Variants in TAFA4 observed in about 807,000 individuals in gnomAD.
TAFA4 encodes TAFA chemokine like family member 4.
In TAFA4, 20 loss-of-function variants were observed where a neutral mutation model predicts 21.1. The ratio of observed to expected loss-of-function variants is 0.95; its 90% CI spans 0.67 to 1.38. TAFA4 has a LOEUF of 1.38. Among genes scored for constraint, TAFA4 ranks in the 40% most tolerant of loss-of-function variants. The probability of loss-of-function intolerance (pLI) is 0.00; values close to 1 mark genes in which losing one functional copy is unlikely to be tolerated. For missense variants in TAFA4, 211 were observed against 180.9 expected, an observed-to-expected ratio of 1.17 and a Z score of -0.95; for synonymous variants, 71 against 67.4, an observed-to-expected ratio of 1.05 and a Z score of -0.26.
At chr3:68,911,324 G>A (rs2089959915) in intron 1 of TAFA4, among the ~76,000 whole-genome samples, 1 of 152,204 alleles carries the variant, frequency 6.6e-6, no homozygotes, top group Middle Eastern at 3.2e-3. Flanking sequence ...ACAGAAAGGT[G>A]CTGTCCAATT....
intron 3 of TAFA4, among the ~76,000 whole-genome samples, chr3:68,769,168 A>C (rs4093385): frequency 2.0e-5 from 3 of 151,832 alleles, no homozygotes; most frequent in Admixed American, 6.6e-5. Context: ...CTGCCTGAGC[A>C]CTGCCTCCTG....
At chr3:68,834,047 T>A (rs940602006) in intron 3 of TAFA4, among the ~76,000 whole-genome samples, 16 of 152,156 alleles carry the variant, frequency 1.1e-4, no homozygotes, top group Non-Finnish European at 2.1e-4. Context: ...CACCCTGACT[T>A]CTCTCCCCAA....
At chr3:68,870,944 A>G (rs915303473) in intron 3 of TAFA4, among the ~76,000 whole-genome samples, 4 of 152,164 alleles carry the variant, frequency 2.6e-5, no homozygotes, top group African/African-American at 9.7e-5. Flanking sequence ...ATAGTATTCC[A>G]TGGTGTATAC....
At chr3:68,919,254 G>T (rs372085312) in intron 1 of TAFA4, among the ~76,000 whole-genome samples, 4 of 152,198 alleles carry the variant, frequency 2.6e-5, no homozygotes, top group Admixed American at 2.0e-4. Context: ...TGCCCCAGTA[G>T]GACTGTGCAG....
At chr3:68,904,540 A>G (rs2089878512) in intron 1 of TAFA4, among the ~76,000 whole-genome samples, 1 of 152,248 alleles carries the variant, frequency 6.6e-6, no homozygotes, top group African/African-American at 2.4e-5. Context: ...GCAGGCTATG[A>G]CAAAGGACAG....
At chr3:68,810,931 C>T (rs1268626399) in intron 3 of TAFA4, among the ~76,000 whole-genome samples, 2 of 152,186 alleles carry the variant, frequency 1.3e-5, no homozygotes, top group South Asian at 2.1e-4. Context: ...CCAGTAGGGG[C>T]AGTCTGACAC....
chr3:68,846,493 G>T (rs1032138847), intron 3 of TAFA4, among the ~76,000 whole-genome samples: 4 of 151,786 alleles, frequency 2.6e-5, no homozygotes, highest in Admixed American at 2.6e-4. Context: ...GTCTGTTATT[G>T]CCCATCTTTT....
intron 4 of TAFA4, among the ~76,000 whole-genome samples, chr3:68,741,683 T>G (rs1025983011): frequency 6.6e-6 from 1 of 151,966 alleles, no homozygotes; most frequent in Non-Finnish European, 1.5e-5. Context: ...CCCAAGCTAC[T>G]TAGGAGGCTG....
chr3:68,763,826 C>G (rs1702800114), intron 3 of TAFA4, among the ~76,000 whole-genome samples: 2 of 149,978 alleles, frequency 1.3e-5, no homozygotes, highest in South Asian at 4.2e-4. Context: ...CTGAGGGGAT[C>G]TCATCATTAG....
At chr3:68,773,796 T>C (rs368558944) in intron 3 of TAFA4, among the ~76,000 whole-genome samples, 3 of 151,996 alleles carry the variant, frequency 2.0e-5, no homozygotes, top group East Asian at 1.9e-4. Context: ...GTTTGACAGA[T>C]GAAGATTAAG....
chr3:68,932,163 C>T (rs2090165082), intron 1 of TAFA4, 77 bp downstream of exon 1: 4 of 152,144 alleles, frequency 2.6e-5, no homozygotes, highest in Admixed American at 2.0e-4. Context: ...GCCCACGAGA[C>T]AGCACCTAAA....
At chr3:68,827,669 CT>C (rs959484838) in intron 3 of TAFA4, among the ~76,000 whole-genome samples, 5 of 152,162 alleles carry the variant, frequency 3.3e-5, no homozygotes, top group African/African-American at 1.2e-4. Flanking sequence ...TGTTTGTTGG[CT>C]GCATAAATGT....
intron 3 of TAFA4, among the ~76,000 whole-genome samples, chr3:68,796,005 T>C (rs1703447819): frequency 6.6e-6 from 1 of 152,094 alleles, no homozygotes; most frequent in African/African-American, 2.4e-5. Flanking sequence ...AAGAATTCTC[T>C]GGATTACCAA....
intron 4 of TAFA4, among the ~76,000 whole-genome samples, chr3:68,741,830 C>A (rs1702361161): frequency 6.6e-6 from 1 of 152,084 alleles, no homozygotes; most frequent in Non-Finnish European, 1.5e-5. Context: ...TCTCCACTTT[C>A]TCTTCCAAAG....
chr3:68,930,517 C>T (rs756935081), intron 1 of TAFA4, among the ~76,000 whole-genome samples: 15 of 152,156 alleles, frequency 9.9e-5, no homozygotes, highest in African/African-American at 3.6e-4. Flanking sequence ...AGCAAAGTCA[C>T]GCAAAGCAGA....
chr3:68,877,952 A>G (rs1440595052), intron 3 of TAFA4, among the ~76,000 whole-genome samples: 2 of 152,224 alleles, frequency 1.3e-5, no homozygotes, highest in African/African-American at 4.8e-5. Flanking sequence ...AGGCATGGAT[A>G]TCATTCCATT....
At chr3:68,855,849 G>C (rs1028864142) in intron 3 of TAFA4, among the ~76,000 whole-genome samples, 1 of 151,986 alleles carries the variant, frequency 6.6e-6, no homozygotes, top group African/African-American at 2.4e-5. Context: ...AGCTTTCACT[G>C]GGCGTGACTT....
intron 3 of TAFA4, among the ~76,000 whole-genome samples, chr3:68,812,451 A>T (rs1703864200): frequency 6.6e-6 from 1 of 152,228 alleles, no homozygotes; most frequent in South Asian, 2.1e-4. Context: ...AGAGACACAT[A>T]TAGGCTCAAA....
chr3:68,887,400 T>C (rs1181894208), intron 1 of TAFA4, among the ~76,000 whole-genome samples: 1 of 152,144 alleles, frequency 6.6e-6, no homozygotes, highest in African/African-American at 2.4e-5. Flanking sequence ...TGGAGTCCTA[T>C]GCCTGCAGCT....
Sources: allele counts gnomAD v4.1 joint callset (sites outside exome capture counted in the v4.1 genomes callset), GRCh38; gene constraint gnomAD v4.1.1; transcripts MANE v1.5; gene names NCBI Gene and HGNC (gene_info 2026-07-23, HGNC 2026-07-21).